Variants in EP300 observed in about 807,000 individuals in gnomAD.
EP300 encodes the protein histone acetyltransferase p300.
A neutral mutation model predicts 264.0 loss-of-function variants in EP300; 31 were observed. The observed-to-expected ratio is 0.12, with a 90% CI of 0.09 to 0.16. EP300 has a LOEUF of 0.16. EP300 is among the 10% of genes least tolerant of loss of function. EP300 has a pLI of 1.00. For synonymous variants in EP300, 1,340 were observed against 1,045.4 expected (o/e 1.28, Z -5.44); for missense variants, 2,766 against 3,052.9 (o/e 0.91, Z 2.21).
intron 1 of EP300, among the ~76,000 whole-genome samples, chr22:41,111,295 A>G (rs1681303067): frequency 6.6e-6 from 1 of 152,154 alleles, no homozygotes; most frequent in Admixed American, 6.5e-5. Context: ...TTAAAAAATT[A>G]TTTGTAACCA....
At chr22:41,130,072 C>G (rs2058908596) in intron 5 of EP300, 69 bp downstream of exon 5, 1 of 1,143,852 alleles carries the variant, frequency 8.7e-7, no homozygotes, top group African/African-American at 1.5e-5. Flanking sequence ...ATTTATAGTA[C>G]TACTTGATTA....
intron 13 of EP300, 29 bp from the exon 14 acceptor site, chr22:41,149,732 C>T: frequency 6.2e-7 from 1 of 1,608,450 alleles, no homozygotes; most frequent in East Asian, 2.2e-5. Flanking sequence ...TTCTGAATTG[C>T]TGTCTTGTTA....
chr22:41,094,008 C>A (rs368379245), intron 1 of EP300, among the ~76,000 whole-genome samples: 1 of 152,176 alleles, frequency 6.6e-6, no homozygotes. Flanking sequence ...ACTTGGAGAT[C>A]AAGATTTTCG....
At chr22:41,139,878 A>G (rs1213740173) in intron 8 of EP300, among the ~76,000 whole-genome samples, 1 of 152,214 alleles carries the variant, frequency 6.6e-6, no homozygotes, top group Non-Finnish European at 1.5e-5. Flanking sequence ...TTTAGTATGT[A>G]ACCCAAAGTA....
rs552784922 is a variant in EP300 at position 41,126,991 on chromosome 22, G to C, written c.907-496G>C. ...ACTCCCGACCTCAGGTGATCCGCCT[G>C]CCTCGGCCTCCCAACGTGCTAGGGT... On this transcript the variant is annotated intron_variant, in intron 3 of 30. Coordinates refer to ENST00000263253, the MANE Select transcript of EP300 (RefSeq NM_001429.4). Among the ~76,000 whole-genome samples, 12 of 152,130 alleles carry C rather than the reference G, an allele frequency of 7.9e-5. No individual in the cohort carries two copies. The South Asian group carries it at 2.5e-3, about 32-fold the overall frequency.
chr22:41,137,655 C>G lies in EP300; in HGVS notation c.1625C>G (p.Pro542Arg), dbSNP rs1304757773. 6.2e-7 allele frequency: 1 copy of G among 1,613,798 alleles called. No individual in the cohort carries two copies. The highest frequency in any genetic ancestry group is 1.1e-5 in the South Asian group (1 of 91,086). ...MLHSAINSQN[P>R]MMSENASVPS... is the part of the protein sequence containing the mutation. Reference sequence around the variant, plus strand: ...TATTTGGTGACCCCTTTTTGAAGCCCAATGATGAGTGAAAATGCCAGTGTG... The same window carrying G: ...TATTTGGTGACCCCTTTTTGAAGCCGAATGATGAGTGAAAATGCCAGTGTG... The change falls in exon 8 of 31, where the codon CCA becomes CGA. Residue 542 changes from proline to arginine, a missense_variant and splice_region_variant. Transcript: ENST00000263253.
chr22:41,152,872 C>T (rs750991755), intron 16 of EP300, among the ~76,000 whole-genome samples: 6 of 152,132 alleles, frequency 3.9e-5, no homozygotes, highest in Non-Finnish European at 5.9e-5. Flanking sequence ...ATTCTCCTGC[C>T]TCAGCCTCCC....
At chr22:41,170,978 T>A (rs1181333502) in intron 27 of EP300, among the ~76,000 whole-genome samples, 4 of 150,190 alleles carry the variant, frequency 2.7e-5, no homozygotes, top group Admixed American at 6.6e-5. Flanking sequence ...TTTTTTTTTT[T>A]AAACAAAAGT....
At chr22:41,131,850 C>G (rs1028928921) in intron 6 of EP300, among the ~76,000 whole-genome samples, 4 of 152,002 alleles carry the variant, frequency 2.6e-5, no homozygotes, top group Non-Finnish European at 5.9e-5. Flanking sequence ...TATATGAGTT[C>G]AGATTTGCAG....
rs764358336 is a variant in EP300, at chr22:41,146,787, A to T, written c.2102A>T (p.Gln701Leu). ...PSMIRGSVPNQMMPRITPQSG... is the reference protein window; with the variant it reads ...PSMIRGSVPNLMMPRITPQSG... ...ATGATCCGTGGCAGTGTGCCAAACCAGATGATGCCTCGAATAACTCCACAA... is the reference window on the plus strand; with the variant it reads ...ATGATCCGTGGCAGTGTGCCAAACCTGATGATGCCTCGAATAACTCCACAA... The change falls in exon 11 of 31, where the codon CAG (glutamine) becomes CTG (leucine). Residue 701 changes from glutamine to leucine, a missense_variant. By Grantham distance (113) the Gln-to-Leu change is moderately radical (BLOSUM62 -2). Coordinates refer to ENST00000263253, the MANE Select transcript of EP300 (RefSeq NM_001429.4). 6.8e-6 allele frequency: 11 copies of T among 1,614,212 alleles called. No individual in the cohort carries two copies. The highest frequency in any genetic ancestry group is 9.3e-6 in the Non-Finnish European group (11 of 1,180,026).
intron 10 of EP300, among the ~76,000 whole-genome samples, chr22:41,143,507 T>C (rs1177240660): frequency 6.6e-6 from 1 of 152,192 alleles, no homozygotes; most frequent in African/African-American, 2.4e-5. Context: ...AAGAACTACG[T>C]AGAATGTTGA....
rs369904435 is a variant in EP300 at position 41,131,642 on chromosome 22, G to A, written c.1528+9G>A. 8.1e-6 allele frequency: 13 copies of A among 1,613,962 alleles called. No homozygotes were observed. The African/African-American group carries it at 1.5e-4, about 18-fold the overall frequency. On this transcript the variant is annotated intron_variant, in intron 6 of 30. Coordinates refer to ENST00000263253, the MANE Select transcript of EP300 (RefSeq NM_001429.4). ...GCCCATGAGCAACATGAGTAAGTTT[G>A]TGTCATCCTAATAACATGGTATTGG...
In EP300 at chr22:41,092,645, T is replaced by A. The variant is rs1481014126; in HGVS notation, c.-360T>A. ...AAGAGGTTGATGGCGGCGGCGGAGC[T>A]CCGAGAGACCTCGGCTGGGCAGGGG... On this transcript the variant is annotated 5_prime_UTR_variant, in exon 1 of 31. Coordinates refer to ENST00000263253, the MANE Select transcript of EP300 (RefSeq NM_001429.4). 1 of 629,162 alleles carries A rather than the reference T, an allele frequency of 1.6e-6. No homozygotes were observed. The highest frequency in any genetic ancestry group is 2.7e-5 in the East Asian group (1 of 36,948). 39.0% of individuals were successfully genotyped at this position (629,162 alleles called of 1,614,324 possible).
Position 41,093,086 on chromosome 22 carries a change from A to G in EP300, c.82A>G (p.Ser28Gly), listed in dbSNP as rs762091919. Residue 28 changes from serine to glycine, a missense_variant, in exon 1 of 31, where the codon AGC becomes GGC. By Grantham distance (56) the Ser-to-Gly change is moderately conservative (BLOSUM62 0). Coordinates refer to ENST00000263253, the MANE Select transcript of EP300 (RefSeq NM_001429.4). ...LSSPALSASA[S>G]DGTDFGSLFD... ...ATCTCCGGCCCTCTCGGCGTCCGCCAGCGATGGCACAGGTTAGTTTCGGCA... is the reference window on the plus strand; with the variant it reads ...ATCTCCGGCCCTCTCGGCGTCCGCCGGCGATGGCACAGGTTAGTTTCGGCA... 3 of 1,614,124 alleles carry G rather than the reference A, an allele frequency of 1.9e-6. No individual in the cohort carries two copies. The highest frequency in any genetic ancestry group is 1.1e-5 in the South Asian group (1 of 91,082).
chr22:41,117,062 A>C, intron 1 of EP300, 125 bp from the exon 2 acceptor site: 1 of 895,528 alleles, frequency 1.1e-6, no homozygotes, highest in South Asian at 1.4e-5. Flanking sequence ...CCCTGTCTCA[A>C]ATAAATAGAA....
In EP300 at chr22:41,178,390, A is replaced by T. The variant is rs777828940; in HGVS notation, c.6679A>T (p.Met2227Leu). The T allele has an allele frequency of 6.2e-7, 1 of 1,614,170 alleles. No homozygotes were observed. The highest frequency in any genetic ancestry group is 8.5e-7 in the Non-Finnish European group (1 of 1,180,024). The change falls in exon 31 of 31, where the codon ATG becomes TTG. Residue 2227 changes from methionine to leucine, a missense_variant. Coordinates refer to ENST00000263253, the MANE Select transcript of EP300 (RefSeq NM_001429.4). ...CTACCCACCACAGCAGCAGCAGCGG[A>T]TGCAGCATCACATGCAACAGATGCA... Reference protein sequence around the residue: ...VGYPPQQQQRMQHHMQQMQQG... With the variant: ...VGYPPQQQQRLQHHMQQMQQG...
chr22:41,128,657 G>A (rs1197994071), intron 4 of EP300, among the ~76,000 whole-genome samples: 2 of 151,838 alleles, frequency 1.3e-5, no homozygotes, highest in African/African-American at 4.8e-5. Context: ...ACAGGCAGGC[G>A]CCTACCACCA....
Position 41,178,707 on chromosome 22 carries a change from G to A in EP300, c.6996G>A (p.Gln2332=), listed in dbSNP as rs2145523344. 1.2e-6 allele frequency: 2 copies of A among 1,614,076 alleles called. No individual in the cohort carries two copies. The highest frequency in any genetic ancestry group is 1.7e-6 in the Non-Finnish European group (2 of 1,180,012). The stretch of plus-strand genomic sequence containing the variant: ...ACTCCAGTCCTTCCCCAAGGATGCA[G>A]CCTCAGCCTTCTCCACACCACGTTT... ...PPHSSPSPRM[Q]PQPSPHHVSP... Residue 2332 remains glutamine (Q), a synonymous_variant, in exon 31 of 31, where the codon CAG becomes CAA. Transcript: ENST00000263253.
chr22:41,160,087 A>T (rs2059099231), intron 19 of EP300: 1 of 155,570 alleles, frequency 6.4e-6, no homozygotes, highest in Non-Finnish European at 1.4e-5. Context: ...TGATTCCTGT[A>T]TTTAGGTAAT....
Sources: gnomAD v4.1 joint callset for allele counts (sites outside exome capture counted in the v4.1 genomes callset) on GRCh38, gnomAD v4.1.1 for gene constraint, MANE v1.5 for transcripts, NCBI Gene and HGNC (gene_info 2026-07-23, HGNC 2026-07-21) for gene names.